Variants in PLXDC2 observed in about 807,000 individuals in gnomAD.
PLXDC2 encodes plexin domain-containing protein 2.
A neutral mutation model predicts 68.9 loss-of-function variants in PLXDC2; 40 were observed. The ratio of observed to expected loss-of-function variants is 0.58; its 90% CI spans 0.45 to 0.76. PLXDC2 has a LOEUF of 0.76. Ranked by LOEUF, PLXDC2 falls within the 30% of genes least tolerant of loss-of-function variation. The pLI, the probability that PLXDC2 is intolerant of heterozygous loss-of-function variation, is 0.00. For synonymous variants in PLXDC2, 243 were observed against 234.2 expected, an observed-to-expected ratio of 1.04 and a Z score of -0.34; for missense variants, 644 against 661.9, an observed-to-expected ratio of 0.97 and a Z score of 0.30.
chr10:19,951,497 A>G (rs1352517532), intron 1 of PLXDC2, among the ~76,000 whole-genome samples: 3 of 152,316 alleles, frequency 2.0e-5, no homozygotes, highest in Non-Finnish European at 4.4e-5. Context: ...AAGTCAAAAA[A>G]ACAACAGGTC....
chr10:20,269,435 T>A (rs1005040742), intron 13 of PLXDC2, among the ~76,000 whole-genome samples: 1 of 152,118 alleles, frequency 6.6e-6, no homozygotes, highest in Non-Finnish European at 1.5e-5. Flanking sequence ...TCAGGAGGAA[T>A]CTCATTAAAG....
At chr10:19,993,595 T>G (rs892590627) in intron 1 of PLXDC2, among the ~76,000 whole-genome samples, 5 of 152,112 alleles carry the variant, frequency 3.3e-5, no homozygotes, top group Non-Finnish European at 7.4e-5. Context: ...GAGTTTTGTA[T>G]TTTTAGTAGA....
intron 4 of PLXDC2, among the ~76,000 whole-genome samples, chr10:20,100,919 TG>T (rs1214550255): frequency 4.6e-5 from 7 of 152,160 alleles, no homozygotes; most frequent in African/African-American, 1.4e-4. Flanking sequence ...CGTTGTGAAT[TG>T]TGTTGGCAAT....
At position 20,074,594 on chromosome 10, in the gene PLXDC2, A is replaced by T. The variant is rs141208763; in HGVS notation, c.541+6355A>T. Reference sequence around the variant, plus strand: ...TATCTTCATTAGCTTTTCAGGAAATATATTACCAAATCTCCCTGCTCCTTT... The same window carrying T: ...TATCTTCATTAGCTTTTCAGGAAATTTATTACCAAATCTCCCTGCTCCTTT... On this transcript the variant is annotated intron_variant, in intron 4 of 13. Transcript: ENST00000377252. 2.0e-5 allele frequency among the ~76,000 whole-genome samples: 3 copies of T among 152,284 alleles called. No homozygotes were observed. The East Asian group carries it at 5.8e-4, about 29-fold the overall frequency.
chr10:20,279,374 A>C (rs1249799905), intron 13 of PLXDC2, among the ~76,000 whole-genome samples: 1 of 152,106 alleles, frequency 6.6e-6, no homozygotes, highest in Middle Eastern at 3.2e-3. Flanking sequence ...TTTCTATTAC[A>C]GTTCCTTTTT....
intron 9 of PLXDC2, among the ~76,000 whole-genome samples, chr10:20,197,858 A>G (rs1288610619): frequency 6.6e-6 from 1 of 152,156 alleles, no homozygotes; most frequent in African/African-American, 2.4e-5. Flanking sequence ...TTGTTGAAAC[A>G]TGCATTCAGC....
chr10:20,152,944 A>T (rs1467427142), intron 6 of PLXDC2, among the ~76,000 whole-genome samples: 1 of 152,184 alleles, frequency 6.6e-6, no homozygotes, highest in Non-Finnish European at 1.5e-5. Flanking sequence ...TAACTTTAAT[A>T]CTGTACAGCT....
chr10:20,138,183 T>G (rs1415547457), intron 4 of PLXDC2, among the ~76,000 whole-genome samples: 1 of 152,232 alleles, frequency 6.6e-6, no homozygotes, highest in Non-Finnish European at 1.5e-5. Flanking sequence ...ACTTAATTCT[T>G]ACTGATATCA....
chr10:20,017,877 A>C (rs1835240198), intron 2 of PLXDC2, among the ~76,000 whole-genome samples: 1 of 152,224 alleles, frequency 6.6e-6, no homozygotes, highest in Non-Finnish European at 1.5e-5. Flanking sequence ...ACATAGCATG[A>C]GTTATCTTAA....
chr10:19,819,166 A>G (rs955582510), intron 1 of PLXDC2, among the ~76,000 whole-genome samples: 2 of 152,340 alleles, frequency 1.3e-5, no homozygotes, highest in East Asian at 3.9e-4. Context: ...TGTGGGAAAT[A>G]TAAAATACTT....
chr10:20,123,934 G>A (rs1381091707), intron 4 of PLXDC2, among the ~76,000 whole-genome samples: 2 of 151,924 alleles, frequency 1.3e-5, no homozygotes, highest in African/African-American at 2.4e-5. Context: ...TAAGGGGTTG[G>A]GGTAATTATC....
intron 4 of PLXDC2, among the ~76,000 whole-genome samples, chr10:20,114,313 G>A (rs759483089): frequency 2.6e-5 from 4 of 152,164 alleles, no homozygotes; most frequent in African/African-American, 4.8e-5. Flanking sequence ...TGTGAAGTCC[G>A]GAGAAGGCTT....
intron 3 of PLXDC2, among the ~76,000 whole-genome samples, chr10:20,062,095 C>T (rs1037199657): frequency 2.6e-5 from 4 of 152,128 alleles, no homozygotes; most frequent in Admixed American, 6.5e-5. Flanking sequence ...GAAGAAGTGT[C>T]TTGACTTTAC....
intron 1 of PLXDC2, among the ~76,000 whole-genome samples, chr10:19,926,390 T>C (rs1833537304): frequency 6.6e-6 from 1 of 151,990 alleles, no homozygotes; most frequent in African/African-American, 2.4e-5. Flanking sequence ...GTTTGCAGTA[T>C]TGCAGTATTA....
intron 1 of PLXDC2, among the ~76,000 whole-genome samples, chr10:19,960,133 G>A (rs918384533): frequency 1.4e-5 from 2 of 146,188 alleles, no homozygotes; most frequent in African/African-American, 5.1e-5. Flanking sequence ...TGAGGTAGAA[G>A]GATTGCTTGA....
At chr10:20,057,127 A>G (rs537577951) in intron 3 of PLXDC2, among the ~76,000 whole-genome samples, 45 of 152,306 alleles carry the variant, frequency 3.0e-4, no homozygotes, top group Admixed American at 1.3e-3. Flanking sequence ...TTAATTTTAC[A>G]TAACATGAGT....
chr10:19,904,792 G>A (rs1838213207), intron 1 of PLXDC2, among the ~76,000 whole-genome samples: 1 of 152,094 alleles, frequency 6.6e-6, no homozygotes, highest in Non-Finnish European at 1.5e-5. Flanking sequence ...CCTGTGTTAG[G>A]GTTTCTTAGC....
At chr10:19,999,478 T>C (rs1004461129) in intron 1 of PLXDC2, among the ~76,000 whole-genome samples, 10 of 120,842 alleles carry the variant, frequency 8.3e-5, no homozygotes, top group Admixed American at 6.6e-4. Context: ...TTAAATACCA[T>C]TTTTTTTATC....
intron 1 of PLXDC2, among the ~76,000 whole-genome samples, chr10:19,827,239 C>G (rs1210709107): frequency 6.6e-6 from 1 of 152,200 alleles, no homozygotes; most frequent in African/African-American, 2.4e-5. Context: ...CCATAATTAT[C>G]CTTGTACTGA....
Sources: allele counts gnomAD v4.1 joint callset (sites outside exome capture counted in the v4.1 genomes callset), GRCh38; gene constraint gnomAD v4.1.1; transcripts MANE v1.5; gene names NCBI Gene and HGNC (gene_info 2026-07-23, HGNC 2026-07-21).